FBXW8: variants seen among roughly 807,000 people sequenced by gnomAD.
The protein encoded by FBXW8 is F-box and WD repeat domain containing 8, also known as F-box/WD repeat-containing protein 8.
Under a neutral mutation model 65.3 loss-of-function variants are expected in FBXW8, and 57 were observed. That is an observed-to-expected ratio of 0.87 (90% CI 0.71 to 1.09). The LOEUF is 1.09. FBXW8 is among the 50% of genes least tolerant of loss of function. The pLI, the probability that FBXW8 is intolerant of heterozygous loss-of-function variation, is 0.00. For synonymous variants in FBXW8, 308 were observed against 330.2 expected (o/e 0.93, Z 0.73); for missense variants, 777 against 814.8 (o/e 0.95, Z 0.57).
intron 5 of FBXW8, among the ~76,000 whole-genome samples, chr12:116,984,451 T>C (rs181398780): frequency 1.5e-4 from 23 of 152,308 alleles, no homozygotes; most frequent in Admixed American, 1.5e-3. Flanking sequence ...AAGTGTGGGA[T>C]ATTGAAGCAC....
At chr12:116,934,448 G>C (rs1428053902) in intron 2 of FBXW8, among the ~76,000 whole-genome samples, 1 of 151,784 alleles carries the variant, frequency 6.6e-6, no homozygotes, top group Non-Finnish European at 1.5e-5. Flanking sequence ...CTTTTTTTGT[G>C]CCCACAGGAT....
rs751737774 is a variant in FBXW8 at position 117,028,214 on chromosome 12, C to T, written c.*42C>T. ...GGAGCAAGGAGAAAAATGGGAAGAA[C>T]CAGTTTTATCCATCTTAAAACGCCA... On this transcript the variant is annotated 3_prime_UTR_variant, in exon 11 of 11. Coordinates refer to ENST00000652555, the MANE Select transcript of FBXW8 (RefSeq NM_153348.3). The surrounding 1 kb of genome is among the most constrained non-coding windows in gnomAD (Gnocchi z 4.1). The T allele has an allele frequency of 2.5e-6, 4 of 1,606,062 alleles. No individual in the cohort carries two copies. The highest frequency in any genetic ancestry group is 4.5e-5 in the East Asian group (2 of 44,750).
At chr12:116,932,163 G>T (rs78590716) in intron 2 of FBXW8, among the ~76,000 whole-genome samples, 2,468 of 152,002 alleles carry the variant, frequency 0.016, 69 homozygotes, top group African/African-American at 0.057. Context: ...TTGATTTTTC[G>T]TAAGTTAAAT....
intron 4 of FBXW8, among the ~76,000 whole-genome samples, chr12:116,964,372 C>T (rs1792465783): frequency 6.6e-6 from 1 of 152,310 alleles, no homozygotes; most frequent in Middle Eastern, 3.4e-3. Flanking sequence ...TGCAAGTGAT[C>T]CCTGTAGTGG....
At chr12:116,972,058 G>T (rs1884678126) in intron 5 of FBXW8, among the ~76,000 whole-genome samples, 1 of 152,212 alleles carries the variant, frequency 6.6e-6, no homozygotes, top group African/African-American at 2.4e-5. Flanking sequence ...GTAGAAAAAT[G>T]TGGCACATTA....
chr12:116,996,250 G>T (rs1481629387), intron 7 of FBXW8, among the ~76,000 whole-genome samples: 2 of 152,232 alleles, frequency 1.3e-5, no homozygotes, highest in African/African-American at 2.4e-5. Context: ...CGTGTGACAA[G>T]GACGCTTGCT....
At chr12:116,924,954 A>G (rs1007311037) in intron 1 of FBXW8, among the ~76,000 whole-genome samples, 2 of 152,154 alleles carry the variant, frequency 1.3e-5, no homozygotes, top group African/African-American at 2.4e-5. Context: ...GCATTCTAGT[A>G]TCCTCCTCAA....
Position 117,028,633 on chromosome 12 carries a change from C to G in FBXW8, c.*461C>G, listed in dbSNP as rs753605560. 9.3e-5 allele frequency: 15 copies of G among 161,406 alleles called. No individual in the cohort carries two copies. The highest frequency in any genetic ancestry group is 1.8e-4 in the Non-Finnish European group (13 of 72,772). 10.0% of individuals were successfully genotyped at this position (161,406 alleles called of 1,614,324 possible). ...GGCAATAACCTCCATGTCCTTTTCC[C>G]TGTATTTACTTGGGGTGCTCTTCTG... On this transcript the variant is annotated 3_prime_UTR_variant, in exon 11 of 11. Transcript: ENST00000652555. The surrounding 1 kb of genome is among the most constrained non-coding windows in gnomAD (Gnocchi z 4.1).
At chr12:116,989,993 CCA>C (rs1565930032) in intron 7 of FBXW8, among the ~76,000 whole-genome samples, 1 of 152,234 alleles carries the variant, frequency 6.6e-6, no homozygotes, top group African/African-American at 2.4e-5. Context: ...GTTATTCCTC[CCA>C]CCCATAGTTG....
At chr12:116,959,126 G>T (rs185077390) in intron 4 of FBXW8, among the ~76,000 whole-genome samples, 1 of 152,270 alleles carries the variant, frequency 6.6e-6, no homozygotes, top group Non-Finnish European at 1.5e-5. Flanking sequence ...AGCAGGCATG[G>T]GAGGCAACAG....
At chr12:117,024,616 T>C (rs1488663781) in intron 9 of FBXW8, among the ~76,000 whole-genome samples, 1 of 152,242 alleles carries the variant, frequency 6.6e-6, no homozygotes, top group East Asian at 1.9e-4. Context: ...ACTACTTTTT[T>C]GCAAGTGCTA....
At chr12:116,917,648 A>AT (rs1880537593) in intron 1 of FBXW8, among the ~76,000 whole-genome samples, 3 of 152,210 alleles carry the variant, frequency 2.0e-5, no homozygotes, top group African/African-American at 7.2e-5. Context: ...TTGGAGTGTC[A>AT]TCTGGCTGGT....
chr12:116,924,935 C>A (rs11068243), intron 1 of FBXW8, among the ~76,000 whole-genome samples: 1 of 152,230 alleles, frequency 6.6e-6, no homozygotes, highest in East Asian at 1.9e-4. Flanking sequence ...TGATGTCACT[C>A]ATTTACCTGC....
At position 116,993,068 on chromosome 12, in the gene FBXW8, A is replaced by G. The variant is rs1953286968; in HGVS notation, c.1239+4199A>G. 2.0e-5 allele frequency among the ~76,000 whole-genome samples: 3 copies of G among 150,520 alleles called. No homozygotes were observed. In the South Asian group the frequency reaches 6.3e-4, roughly 32 times the overall value. On this transcript the variant is annotated intron_variant, in intron 7 of 10. Transcript: ENST00000652555. ...AATGTATAAGCATTCCCATTTCACAACATCCATACCAACATCTATTGATTT... is the reference window on the plus strand; with the variant it reads ...AATGTATAAGCATTCCCATTTCACAGCATCCATACCAACATCTATTGATTT...
At chr12:116,966,552 A>G (rs971396271) in intron 5 of FBXW8, among the ~76,000 whole-genome samples, 5 of 152,020 alleles carry the variant, frequency 3.3e-5, no homozygotes, top group African/African-American at 7.2e-5. Flanking sequence ...TGTGCGCCCA[A>G]TTGATTTGCA....
At chr12:116,983,944 C>T (rs1214019395) in intron 5 of FBXW8, among the ~76,000 whole-genome samples, 1 of 152,154 alleles carries the variant, frequency 6.6e-6, no homozygotes, top group South Asian at 2.1e-4. Context: ...AGCAGCTCCC[C>T]TAAGTCCGTC....
intron 2 of FBXW8, among the ~76,000 whole-genome samples, chr12:116,941,184 A>G (rs1343551523): frequency 6.6e-6 from 1 of 152,214 alleles, no homozygotes; most frequent in African/African-American, 2.4e-5. Flanking sequence ...CTCCACTGGA[A>G]GCATTGCAGG....
chr12:116,949,517 C>G, intron 3 of FBXW8, 101 bp from the exon 4 acceptor site: 1 of 955,262 alleles, frequency 1.0e-6, no homozygotes, highest in East Asian at 2.4e-5. Context: ...GTTGTCCATG[C>G]TGTAGAGAAT....
chr12:116,941,597 T>C (rs1490633204), intron 2 of FBXW8, among the ~76,000 whole-genome samples: 1 of 152,226 alleles, frequency 6.6e-6, no homozygotes, highest in African/African-American at 2.4e-5. Context: ...TTGAATAAGG[T>C]ATTGTAATGA....
Sources: allele counts gnomAD v4.1 joint callset (sites outside exome capture counted in the v4.1 genomes callset), GRCh38; gene constraint gnomAD v4.1.1; non-coding constraint Gnocchi (gnomAD v3.1); transcripts MANE v1.5; gene names NCBI Gene and HGNC (gene_info 2026-07-23, HGNC 2026-07-21).